Variants in TYW1 observed in about 807,000 individuals in gnomAD.
The protein encoded by TYW1 is S-adenosyl-L-methionine-dependent tRNA 4-demethylwyosine synthase TYW1.
TYW1 carries 46 observed loss-of-function variants against 96.2 expected under a neutral mutation model. That is an observed-to-expected ratio of 0.48 (90% CI 0.38 to 0.61). The LOEUF (loss-of-function observed/expected upper bound fraction) is 0.61. Among genes scored for constraint, TYW1 ranks in the 20% least tolerant of loss-of-function variants. The pLI, the probability that TYW1 is intolerant of heterozygous loss-of-function variation, is 0.00. For missense variants in TYW1, 684 were observed against 909.6 expected (o/e 0.75, Z 3.19); for synonymous variants, 274 against 323.0 (o/e 0.85, Z 1.63).
intron 15 of TYW1, among the ~76,000 whole-genome samples, chr7:67,196,634 A>G (rs1400866307): frequency 3.5e-5 from 5 of 144,318 alleles, no homozygotes; most frequent in Non-Finnish European, 7.6e-5. Context: ...GCTGTGTCAA[A>G]CTGGAATCAC....
intron 15 of TYW1, among the ~76,000 whole-genome samples, chr7:67,200,107 G>T (rs1800542463): frequency 6.6e-6 from 1 of 152,218 alleles, no homozygotes; most frequent in African/African-American, 2.4e-5. Flanking sequence ...CTGAAAATCA[G>T]TGTGATCAGT....
chr7:67,040,456 C>A (rs1386115254), intron 7 of TYW1, among the ~76,000 whole-genome samples: 1 of 151,820 alleles, frequency 6.6e-6, no homozygotes, highest in Non-Finnish European at 1.5e-5. Context: ...AATTAAAAAT[C>A]TGAGTAATTT....
chr7:67,168,597 G>T lies in TYW1; in HGVS notation c.1699-14529G>T, dbSNP rs184628251. Among the ~76,000 whole-genome samples, 10 of 152,296 alleles carry T rather than the reference G, an allele frequency of 6.6e-5. No homozygotes were observed. The East Asian group carries it at 1.3e-3, about 21-fold the overall frequency. On this transcript the variant is annotated intron_variant, in intron 13 of 15. Transcript: ENST00000359626. ...ATTTAAATTTTCAAAATGACTTTGT[G>T]TAACTGCCCGTAATATTCAAATGCC...
chr7:67,133,060 G>A (rs55940282), intron 13 of TYW1, among the ~76,000 whole-genome samples: 42,002 of 151,942 alleles, frequency 0.28, 6,653 homozygotes, highest in African/African-American at 0.44. Context: ...CCTGTCCTAC[G>A]TGATTATACT....
chr7:66,997,876 G>A (rs1396858338), intron 1 of TYW1, among the ~76,000 whole-genome samples, 189 bp from the exon 2 acceptor site: 1 of 152,136 alleles, frequency 6.6e-6, no homozygotes, highest in African/African-American at 2.4e-5. Flanking sequence ...TGATCTGCCC[G>A]CCTCAGCCAC....
At chr7:67,157,282 T>A (rs1270154292) in intron 13 of TYW1, among the ~76,000 whole-genome samples, 3 of 152,200 alleles carry the variant, frequency 2.0e-5, no homozygotes, top group Admixed American at 6.5e-5. Flanking sequence ...TATGAACCAA[T>A]ATTTTTTGTT....
Position 67,050,326 on chromosome 7 carries a change from G to A in TYW1, c.1102+260G>A, listed in dbSNP as rs557213385. ...GATCAAAAGTGCTGTCATTGGGAAAGCTATTAAAAATGCATAGAAAAGCTT... is the reference window on the plus strand; with the variant it reads ...GATCAAAAGTGCTGTCATTGGGAAAACTATTAAAAATGCATAGAAAAGCTT... On this transcript the variant is annotated intron_variant, in intron 8 of 15. Coordinates refer to ENST00000359626, the MANE Select transcript of TYW1 (RefSeq NM_018264.4). Among the ~76,000 whole-genome samples, 14 of 152,296 alleles carry A rather than the reference G, an allele frequency of 9.2e-5. 1 individual carries two copies. In the South Asian group the frequency reaches 1.9e-3, roughly 20 times the overall value.
chr7:67,109,076 A>G (rs1424276368), intron 12 of TYW1, among the ~76,000 whole-genome samples: 1 of 151,616 alleles, frequency 6.6e-6, no homozygotes, highest in Non-Finnish European at 1.5e-5. Context: ...GATCGAGACC[A>G]TCCTGGCTAA....
chr7:67,072,934 G>GTT (rs529812538), intron 10 of TYW1, among the ~76,000 whole-genome samples: 2,105 of 71,216 alleles, frequency 0.03, 247 homozygotes, highest in Non-Finnish European at 0.035. Context: ...TGCCTATCCA[G>GTT]TTTTTTTTTT....
chr7:67,053,663 G>A (rs1374063673), intron 8 of TYW1, among the ~76,000 whole-genome samples: 3 of 152,142 alleles, frequency 2.0e-5, no homozygotes, highest in Non-Finnish European at 4.4e-5. Context: ...TTACAGGTGT[G>A]AGCCACCATG....
intron 12 of TYW1, among the ~76,000 whole-genome samples, chr7:67,102,390 G>A (rs1426200859): frequency 2.6e-5 from 4 of 152,246 alleles, no homozygotes; most frequent in East Asian, 3.9e-4. Flanking sequence ...CAAGATGTTC[G>A]TACTAGCCTT....
intron 15 of TYW1, among the ~76,000 whole-genome samples, chr7:67,218,901 T>C (rs1801289749): frequency 6.6e-6 from 1 of 152,234 alleles, no homozygotes; most frequent in Non-Finnish European, 1.5e-5. Flanking sequence ...TATTTCTTCT[T>C]CTTACCTAAT....
In TYW1 at chr7:67,009,567, T is replaced by A; in HGVS notation, c.274-16T>A. 1 of 1,607,042 alleles carries A rather than the reference T, an allele frequency of 6.2e-7. No individual in the cohort carries two copies. The highest frequency in any genetic ancestry group is 1.3e-5 in the African/African-American group (1 of 74,710). ...TCATTGAAGACTTTATTTGATGTTT[T>A]TTTTGGTCCTATTAGGGATTCGCAA... On this transcript the variant is annotated splice_polypyrimidine_tract_variant and intron_variant, in intron 3 of 15. Coordinates refer to ENST00000359626, the MANE Select transcript of TYW1 (RefSeq NM_018264.4).
At chr7:67,152,574 G>T (rs180728840) in intron 13 of TYW1, among the ~76,000 whole-genome samples, 2 of 151,990 alleles carry the variant, frequency 1.3e-5, no homozygotes, top group African/African-American at 2.4e-5. Context: ...TCAACGTGCT[G>T]CTTACACATA....
At chr7:67,211,839 G>A (rs1380227134) in intron 15 of TYW1, among the ~76,000 whole-genome samples, 6 of 152,138 alleles carry the variant, frequency 3.9e-5, no homozygotes, top group African/African-American at 1.2e-4. Context: ...GACTCCACCC[G>A]TTTCCAAAAT....
chr7:67,070,183 C>T (rs1356980504), intron 10 of TYW1, among the ~76,000 whole-genome samples: 1 of 152,158 alleles, frequency 6.6e-6, no homozygotes, highest in Non-Finnish European at 1.5e-5. Flanking sequence ...ATTCTTCCAA[C>T]AGTTTGATTA....
intron 13 of TYW1, among the ~76,000 whole-genome samples, chr7:67,134,437 G>A (rs1159178622): frequency 1.3e-5 from 2 of 151,918 alleles, no homozygotes; most frequent in Non-Finnish European, 2.9e-5. Flanking sequence ...AGCTACTCAG[G>A]AGGCTGAGGC....
At chr7:67,039,960 C>G (rs531549359) in intron 7 of TYW1, among the ~76,000 whole-genome samples, 30 of 146,368 alleles carry the variant, frequency 2.0e-4, no homozygotes, top group Admixed American at 1.9e-3. Context: ...CATGCCTGGT[C>G]TATTTTTTTT....
At chr7:67,108,659 C>G (rs1797310759) in intron 12 of TYW1, among the ~76,000 whole-genome samples, 1 of 151,778 alleles carries the variant, frequency 6.6e-6, no homozygotes, top group Non-Finnish European at 1.5e-5. Context: ...CCAGGCTGGT[C>G]TCGAACTCCT....
Sources: allele counts gnomAD v4.1 joint callset (sites outside exome capture counted in the v4.1 genomes callset), GRCh38; gene constraint gnomAD v4.1.1; transcripts MANE v1.5; gene names NCBI Gene and HGNC (gene_info 2026-07-23, HGNC 2026-07-21).